MYO1D: variants seen among roughly 807,000 people sequenced by gnomAD.
MYO1D encodes the protein myosin ID, also known as unconventional myosin-Id.
In MYO1D, 83 loss-of-function variants were observed where a neutral mutation model predicts 122.0. The ratio of observed to expected loss-of-function variants is 0.68; its 90% CI spans 0.57 to 0.82. The LOEUF is 0.82. Ranked by LOEUF, MYO1D falls within the 40% of genes least tolerant of loss-of-function variation. The probability of loss-of-function intolerance (pLI) is 0.00; values close to 1 mark genes in which losing one functional copy is unlikely to be tolerated. For missense variants in MYO1D, 1,157 were observed against 1,269.5 expected, an observed-to-expected ratio of 0.91 and a Z score of 1.35; for synonymous variants, 464 against 446.9, an observed-to-expected ratio of 1.04 and a Z score of -0.48.
At chr17:32,668,868 AT>A (rs2088671558) in intron 16 of MYO1D, among the ~76,000 whole-genome samples, 1 of 151,788 alleles carries the variant, frequency 6.6e-6, no homozygotes, top group Admixed American at 6.6e-5. Flanking sequence ...CGCCTGGCTA[AT>A]TTTTTGTATT....
intron 21 of MYO1D, among the ~76,000 whole-genome samples, chr17:32,513,956 T>A (rs1325044845): frequency 6.6e-6 from 1 of 151,788 alleles, no homozygotes; most frequent in Non-Finnish European, 1.5e-5. Flanking sequence ...TTAAAAAAAT[T>A]TTTTTGGCCG....
chr17:32,662,642 C>T (rs968943163), intron 16 of MYO1D, among the ~76,000 whole-genome samples: 1 of 151,792 alleles, frequency 6.6e-6, no homozygotes, highest in African/African-American at 2.4e-5. Context: ...CATTGCATTG[C>T]AGCCTGGGTG....
At chr17:32,765,296 AG>A (rs1420748620) in intron 7 of MYO1D, among the ~76,000 whole-genome samples, 1 of 152,294 alleles carries the variant, frequency 6.6e-6, no homozygotes, top group South Asian at 2.1e-4. Flanking sequence ...GATAGATAAA[AG>A]TTTTACATTT....
intron 16 of MYO1D, among the ~76,000 whole-genome samples, chr17:32,708,751 G>A (rs2089338993): frequency 6.6e-6 from 1 of 152,168 alleles, no homozygotes; most frequent in South Asian, 2.1e-4. Flanking sequence ...CTGCCTCATG[G>A]TGAAGAAATG....
intron 21 of MYO1D, among the ~76,000 whole-genome samples, chr17:32,590,669 A>G (rs2087431279): frequency 1.3e-5 from 2 of 152,230 alleles, no homozygotes; most frequent in African/African-American, 4.8e-5. Flanking sequence ...ATGCTTATAT[A>G]AACTCCTGAT....
chr17:32,707,325 T>A (rs2089321464), intron 16 of MYO1D, among the ~76,000 whole-genome samples: 1 of 152,124 alleles, frequency 6.6e-6, no homozygotes, highest in Admixed American at 6.5e-5. Context: ...AGGTATTATT[T>A]CTTATTGATC....
At chr17:32,842,419 T>C (rs1567667972) in intron 1 of MYO1D, among the ~76,000 whole-genome samples, 1 of 152,178 alleles carries the variant, frequency 6.6e-6, no homozygotes, top group Non-Finnish European at 1.5e-5. Flanking sequence ...GGCTGCACAC[T>C]GGATTAATGG....
At position 32,661,736 on chromosome 17, in the gene MYO1D, C is replaced by A. The variant is rs938003701; in HGVS notation, c.2122-2398G>T. On this transcript the variant is annotated intron_variant, in intron 16 of 21. Transcript: ENST00000318217. ...CCTTTTAGACACTATCCAAATCACACAAGATGGAGATTTAGCTCTCTCACC... is the reference window on the plus strand; with the variant it reads ...CCTTTTAGACACTATCCAAATCACAAAAGATGGAGATTTAGCTCTCTCACC... Among the ~76,000 whole-genome samples, 28 of 152,178 alleles carry A rather than the reference C, an allele frequency of 1.8e-4. 1 individual carries two copies. Among genetic ancestry groups the A allele is most frequent in the Non-Finnish European group, 5.9e-5 (4 of 67,996 alleles).
chr17:32,652,282 T>C (rs1184237996), intron 19 of MYO1D, among the ~76,000 whole-genome samples: 1 of 152,210 alleles, frequency 6.6e-6, no homozygotes, highest in Non-Finnish European at 1.5e-5. Flanking sequence ...TTGGTTATTA[T>C]CAACACTTTA....
intron 16 of MYO1D, among the ~76,000 whole-genome samples, chr17:32,702,515 T>C (rs1252469740): frequency 6.6e-6 from 1 of 152,166 alleles, no homozygotes; most frequent in African/African-American, 2.4e-5. Context: ...CTTTTTCATA[T>C]CTTTTTCTCT....
At chr17:32,658,249 A>G (rs191223520) in intron 17 of MYO1D, among the ~76,000 whole-genome samples, 388 of 152,362 alleles carry the variant, frequency 2.5e-3, no homozygotes, top group African/African-American at 9.0e-3. Context: ...TCTAAAGAAG[A>G]TAACATCTGA....
chr17:32,565,110 T>C, intron 21 of MYO1D, among the ~76,000 whole-genome samples: 1 of 152,204 alleles, frequency 6.6e-6, no homozygotes, highest in East Asian at 1.9e-4. Flanking sequence ...TTCAAGCGAT[T>C]CTCTTGCCTC....
intron 1 of MYO1D, among the ~76,000 whole-genome samples, chr17:32,793,783 A>C (rs910463633): frequency 1.3e-5 from 2 of 152,204 alleles, no homozygotes; most frequent in African/African-American, 2.4e-5. Flanking sequence ...TTTAGCACTG[A>C]CTAGCTCTAT....
rs143364259 is a variant in MYO1D at position 32,713,213 on chromosome 17, G to T, written c.1914-1018C>A. Among the ~76,000 whole-genome samples the T allele has an allele frequency of 4.6e-4, 70 of 152,124 alleles. 1 individual carries two copies. The highest frequency in any genetic ancestry group is 1.6e-3 in the African/African-American group (68 of 41,494). ...ATTTAGATTTCTGATCATTTAGAGG[G>T]TTTTTTTGGTATATGGTGTGAGGTA... On this transcript the variant is annotated intron_variant, in intron 15 of 21. Transcript: ENST00000318217.
At position 32,764,996 on chromosome 17, in the gene MYO1D, G is replaced by A. The variant is rs766021345; in HGVS notation, c.917C>T (p.Thr306Ile). The change falls in exon 8 of 22, where the codon ACT becomes ATT. Residue 306 changes from threonine to isoleucine, a missense_variant. Coordinates refer to ENST00000318217, the MANE Select transcript of MYO1D (RefSeq NM_015194.3). The part of the protein sequence containing the change: ...VVSIIAELLS[T>I]KTDMVEKALL... ...GGCTTTCTCAACCATATCTGTCTTA[G>A]TAGAGAGCAATTCTGCTATGATAGA... 5 of 1,614,140 alleles carry A rather than the reference G, an allele frequency of 3.1e-6. No individual in the cohort carries two copies. The South Asian group carries it at 4.4e-5, about 14-fold the overall frequency.
chr17:32,809,822 C>T (rs2090553761), intron 1 of MYO1D, among the ~76,000 whole-genome samples: 1 of 152,206 alleles, frequency 6.6e-6, no homozygotes, highest in Non-Finnish European at 1.5e-5. Context: ...TTGGACAGGC[C>T]TTTTGCATCA....
In MYO1D at chr17:32,778,579, G is replaced by C; in HGVS notation, c.305-6C>G. 6.2e-7 allele frequency: 1 copy of C among 1,608,432 alleles called. No homozygotes were observed. Among genetic ancestry groups the C allele is most frequent in the Non-Finnish European group, 8.5e-7 (1 of 1,175,040 alleles). The stretch of plus-strand genomic sequence containing the variant: ...TTTACCAGCTCCACTTTCCCCTGGG[G>C]GGAAAAATTGTTCAGGGCTTAACAT... On this transcript the variant is annotated splice_region_variant and splice_polypyrimidine_tract_variant and intron_variant, in intron 2 of 21. Transcript: ENST00000318217.
At chr17:32,719,458 T>G (rs1329077609) in intron 15 of MYO1D, among the ~76,000 whole-genome samples, 1 of 151,678 alleles carries the variant, frequency 6.6e-6, no homozygotes, top group Admixed American at 6.6e-5. Context: ...CAGGCCATTC[T>G]CCTGCCTCAG....
chr17:32,583,341 A>G (rs1297360443), intron 21 of MYO1D, among the ~76,000 whole-genome samples: 1 of 152,064 alleles, frequency 6.6e-6, no homozygotes, highest in Non-Finnish European at 1.5e-5. Context: ...GATATGCCTT[A>G]GTGTAGTTTT....
Sources: gnomAD v4.1 joint callset for allele counts (sites outside exome capture counted in the v4.1 genomes callset) on GRCh38, gnomAD v4.1.1 for gene constraint, MANE v1.5 for transcripts, NCBI Gene and HGNC (gene_info 2026-07-23, HGNC 2026-07-21) for gene names.